The following SYT16 variants were observed in gnomAD, a reference collection of about 807,000 sequenced individuals.
SYT16 encodes the protein synaptotagmin 16, also known as synaptotagmin-16.
Under a neutral mutation model 61.4 loss-of-function variants are expected in SYT16, and 42 were observed. That is an observed-to-expected ratio of 0.68 (90% CI 0.53 to 0.89). The LOEUF (loss-of-function observed/expected upper bound fraction) is 0.89, where lower values mean the gene tolerates loss of function less well. SYT16 is among the 40% of genes least tolerant of loss of function. The pLI is 0.00. For synonymous variants in SYT16, 314 were observed against 302.3 expected (o/e 1.04, Z -0.40); for missense variants, 804 against 807.3 (o/e 1.00, Z 0.05).
chr14:61,930,377 C>T (rs1228051504), intron 1 of SYT16, among the ~76,000 whole-genome samples: 2 of 151,890 alleles, frequency 1.3e-5, no homozygotes, highest in Admixed American at 1.3e-4. Context: ...GCATGTGTTC[C>T]CGGTCTCTGT....
chr14:62,080,699 C>G lies in SYT16; in HGVS notation c.994-135C>G, dbSNP rs1239929209. The G allele has an allele frequency of 9.4e-6, 8 of 846,756 alleles. No homozygotes were observed. In the Admixed American group the frequency reaches 2.1e-4, roughly 22 times the overall value. 52.5% of individuals were successfully genotyped at this position (846,756 alleles called of 1,614,324 possible). ...ATGCAGCGATAGACCAGTAAACAGA[C>G]CTATCTGATATAGAGGGAATACACT... On this transcript the variant is annotated intron_variant, in intron 5 of 7. Coordinates refer to ENST00000683842, the MANE Select transcript of SYT16 (RefSeq NM_001367656.1).
At chr14:61,815,195 A>G (rs1326893039) in intron 1 of SYT16, among the ~76,000 whole-genome samples, 1 of 152,228 alleles carries the variant, frequency 6.6e-6, no homozygotes, top group African/African-American at 2.4e-5. Flanking sequence ...CCAGTGATAC[A>G]GGAACTACTG....
At chr14:61,865,124 G>A in intron 1 of SYT16, 1 of 1,312,152 alleles carries the variant, frequency 7.6e-7, no homozygotes, top group Non-Finnish European at 1.1e-6. Flanking sequence ...AGCCTTCTGT[G>A]GCTCCTCAGC....
chr14:61,982,406 G>T (rs930878230), intron 2 of SYT16, among the ~76,000 whole-genome samples: 1 of 152,124 alleles, frequency 6.6e-6, no homozygotes, highest in Non-Finnish European at 1.5e-5. Flanking sequence ...TGAAAGGCAC[G>T]TCTTACATGG....
chr14:62,027,496 C>T (rs2054147209), intron 3 of SYT16, among the ~76,000 whole-genome samples: 1 of 152,184 alleles, frequency 6.6e-6, no homozygotes, highest in Non-Finnish European at 1.5e-5. Context: ...CAGGTTGTTA[C>T]CTATGTTTCA....
chr14:61,933,342 G>A (rs1484823585), intron 1 of SYT16, among the ~76,000 whole-genome samples: 3 of 152,152 alleles, frequency 2.0e-5, no homozygotes, highest in African/African-American at 7.2e-5. Flanking sequence ...CTCACTTAGT[G>A]TCCCTAAAAT....
At chr14:62,092,069 A>G (rs895697293) in intron 7 of SYT16, among the ~76,000 whole-genome samples, 10 of 152,064 alleles carry the variant, frequency 6.6e-5, no homozygotes, top group African/African-American at 9.7e-5. Flanking sequence ...TGATATATAA[A>G]TGGCCAATAG....
chr14:61,844,426 A>G lies in SYT16; in HGVS notation c.-325+31616A>G, dbSNP rs1262822308. Among the ~76,000 whole-genome samples the G allele has an allele frequency of 2.6e-5, 4 of 152,190 alleles. No individual in the cohort carries two copies. The South Asian group carries it at 8.3e-4, about 31-fold the overall frequency. On this transcript the variant is annotated intron_variant, in intron 1 of 7. Coordinates refer to ENST00000683842, the MANE Select transcript of SYT16 (RefSeq NM_001367656.1). ...GCTAGGACTTCCAGTATTATGTCAA[A>G]TAACAGTGGTGAAAGTGGGCATTCT...
intron 2 of SYT16, among the ~76,000 whole-genome samples, chr14:61,985,845 A>G (rs1792310605): frequency 6.6e-6 from 1 of 152,146 alleles, no homozygotes; most frequent in Admixed American, 6.6e-5. Context: ...GCTAGATGCT[A>G]CAATTTGTGA....
chr14:62,101,540 G>A lies in SYT16; in HGVS notation c.*833G>A, dbSNP rs893889071. On this transcript the variant is annotated 3_prime_UTR_variant, in exon 8 of 8. Transcript: ENST00000683842. ...TTTATTGATTTTTTCTGCTTCTGGT[G>A]TTCTTTTGGATTATCCTTTTTCTAT... 6.6e-6 allele frequency: 1 copy of A among 152,110 alleles called. No individual in the cohort carries two copies. Among genetic ancestry groups the A allele is most frequent in the African/African-American group, 2.4e-5 (1 of 41,428 alleles). The allele number at this position is 152,110 out of a possible 1,614,324, so 9.4% of individuals were successfully genotyped here.
intron 2 of SYT16, among the ~76,000 whole-genome samples, chr14:61,984,896 A>G (rs574261895): frequency 1.4e-4 from 22 of 152,296 alleles, no homozygotes; most frequent in African/African-American, 5.3e-4. Context: ...CTGCCAGTAG[A>G]AAGGGAAATG....
chr14:62,049,037 A>C (rs1329552817), intron 3 of SYT16, among the ~76,000 whole-genome samples: 4 of 151,842 alleles, frequency 2.6e-5, no homozygotes, highest in South Asian at 2.1e-4. Context: ...TCCTTGTGAA[A>C]TTTCTGTCTC....
At chr14:61,842,215 G>A (rs1738903914) in intron 1 of SYT16, among the ~76,000 whole-genome samples, 1 of 152,110 alleles carries the variant, frequency 6.6e-6, no homozygotes, top group South Asian at 2.1e-4. Context: ...ATTTAAAAAT[G>A]TACAATTATT....
At chr14:61,870,179 A>T (rs1452991467) in intron 1 of SYT16, among the ~76,000 whole-genome samples, 1 of 152,144 alleles carries the variant, frequency 6.6e-6, no homozygotes, top group Non-Finnish European at 1.5e-5. Context: ...ATATTCTTTT[A>T]GATTTTGCAT....
chr14:61,912,790 A>G (rs1185187330), intron 1 of SYT16, among the ~76,000 whole-genome samples: 1 of 152,184 alleles, frequency 6.6e-6, no homozygotes, highest in Non-Finnish European at 1.5e-5. Context: ...ACATTAAAGG[A>G]GCTACAAAGA....
intron 1 of SYT16, among the ~76,000 whole-genome samples, chr14:61,849,123 A>G (rs528205653): frequency 6.6e-6 from 1 of 152,262 alleles, no homozygotes; most frequent in African/African-American, 2.4e-5. Context: ...TAGGCCCTAG[A>G]ATGGGGGGCC....
intron 1 of SYT16, among the ~76,000 whole-genome samples, chr14:61,886,591 T>C (rs2047908247): frequency 6.6e-6 from 1 of 152,218 alleles, no homozygotes; most frequent in South Asian, 2.1e-4. Flanking sequence ...GACCATAAGA[T>C]TGCATCAATT....
At chr14:61,905,311 A>G (rs992144725) in intron 1 of SYT16, among the ~76,000 whole-genome samples, 1 of 152,252 alleles carries the variant, frequency 6.6e-6, no homozygotes, top group African/African-American at 2.4e-5. Context: ...CATGGTAGGG[A>G]TGTTAGCTGT....
chr14:62,111,625 T>C lies in SYT16; in HGVS notation c.*10918T>C, dbSNP rs993143387. 1.2e-4 allele frequency: 18 copies of C among 152,108 alleles called. No individual in the cohort carries two copies. Among genetic ancestry groups the C allele is most frequent in the African/African-American group, 3.9e-4 (16 of 41,446 alleles). 9.4% of individuals were successfully genotyped at this position (152,108 alleles called of 1,614,324 possible). ...GAAGAATTTCTTGGCAAATTGATTG[T>C]TCAAGGCCAGTTTTGTTAGTTGTAA... On this transcript the variant is annotated 3_prime_UTR_variant, in exon 8 of 8. Coordinates refer to ENST00000683842, the MANE Select transcript of SYT16 (RefSeq NM_001367656.1).
Sources: allele counts gnomAD v4.1 joint callset (sites outside exome capture counted in the v4.1 genomes callset), GRCh38; gene constraint gnomAD v4.1.1; transcripts MANE v1.5; gene names NCBI Gene and HGNC (gene_info 2026-07-23, HGNC 2026-07-21).